Variants in DLG2 observed in about 807,000 individuals in gnomAD.
DLG2 encodes the protein disks large homolog 2.
Under a neutral mutation model 132.5 loss-of-function variants are expected in DLG2, and 45 were observed. That is an observed-to-expected ratio of 0.34 (90% CI 0.27 to 0.44). The LOEUF is 0.44. Among genes scored for constraint, DLG2 ranks in the 20% least tolerant of loss-of-function variants. DLG2 has a pLI of 1.00. For synonymous variants in DLG2, 424 were observed against 419.6 expected, an observed-to-expected ratio of 1.01 and a Z score of -0.13; for missense variants, 1,045 against 1,196.9, an observed-to-expected ratio of 0.87 and a Z score of 1.87.
intron 7 of DLG2, among the ~76,000 whole-genome samples, chr11:84,324,023 C>CTT (rs1365101084): frequency 6.6e-6 from 1 of 152,014 alleles, no homozygotes; most frequent in African/African-American, 2.4e-5. Context: ...TTTTCACTCT[C>CTT]TTTATCGTTT....
At chr11:84,973,789 C>T (rs979858112) in intron 6 of DLG2, among the ~76,000 whole-genome samples, 9 of 152,130 alleles carry the variant, frequency 5.9e-5, no homozygotes, top group African/African-American at 9.7e-5. Context: ...AGTGGCCATA[C>T]ATAATAGGTA....
At chr11:83,993,168 G>A (rs1201513932) in intron 11 of DLG2, among the ~76,000 whole-genome samples, 1 of 152,014 alleles carries the variant, frequency 6.6e-6, no homozygotes, top group African/African-American at 2.4e-5. Flanking sequence ...AAAATTATAT[G>A]ATCCTAGAAA....
intron 14 of DLG2, among the ~76,000 whole-genome samples, chr11:83,945,991 C>CTTTTTTTTTTTT (rs1163812479): frequency 8.6e-6 from 1 of 116,504 alleles, no homozygotes. Flanking sequence ...TTCTCTCTCT[C>CTTTTTTTTTTTT]TCTTTTTTTT....
At chr11:84,050,559 T>C (rs2213111) in intron 11 of DLG2, among the ~76,000 whole-genome samples, 96,382 of 151,830 alleles carry the variant, frequency 0.63, 33,420 homozygotes, top group Non-Finnish European at 0.79. Flanking sequence ...TTTGTTGCCA[T>C]TGCTTTTGGT....
chr11:85,536,304 T>C (rs963144728), intron 3 of DLG2, among the ~76,000 whole-genome samples: 2 of 150,662 alleles, frequency 1.3e-5, no homozygotes, highest in African/African-American at 4.9e-5. Context: ...CAAAGTACAG[T>C]ACCTTGGCAT....
intron 7 of DLG2, among the ~76,000 whole-genome samples, chr11:84,263,624 C>G (rs537686518): frequency 6.6e-6 from 1 of 152,242 alleles, no homozygotes; most frequent in East Asian, 1.9e-4. Context: ...ATTATTGCCT[C>G]TATCCATTTT....
intron 6 of DLG2, among the ~76,000 whole-genome samples, chr11:84,548,555 G>A (rs2099395318): frequency 6.6e-6 from 1 of 151,812 alleles, no homozygotes. Flanking sequence ...CCTTGCGATA[G>A]TTTGCTGAGA....
chr11:84,864,027 A>C (rs2084171508), intron 6 of DLG2, among the ~76,000 whole-genome samples: 1 of 152,216 alleles, frequency 6.6e-6, no homozygotes, highest in African/African-American at 2.4e-5. Flanking sequence ...GAAATAGGCT[A>C]CTACCTGGGA....
intron 7 of DLG2, among the ~76,000 whole-genome samples, chr11:84,512,783 T>C (rs10898252): frequency 0.12 from 18,430 of 151,674 alleles, 1,180 homozygotes; most frequent in South Asian, 0.19. Flanking sequence ...GTGGCACGTA[T>C]ACACCATGGA....
At chr11:84,410,536 C>G (rs2098894866) in intron 7 of DLG2, among the ~76,000 whole-genome samples, 1 of 148,306 alleles carries the variant, frequency 6.7e-6, no homozygotes, top group South Asian at 2.1e-4. Context: ...ATCAATGACT[C>G]TACTATATAA....
At chr11:84,238,716 A>C (rs1311247118) in intron 8 of DLG2, among the ~76,000 whole-genome samples, 3 of 152,026 alleles carry the variant, frequency 2.0e-5, no homozygotes, top group Admixed American at 6.5e-5. Flanking sequence ...GTAACATAAA[A>C]ATGTTAAGCC....
chr11:83,710,663 G>T (rs942041098), intron 18 of DLG2, among the ~76,000 whole-genome samples: 4 of 152,120 alleles, frequency 2.6e-5, no homozygotes, highest in African/African-American at 9.7e-5. Flanking sequence ...CATAACCAAA[G>T]CTTGAAACTG....
Position 85,530,331 on chromosome 11 carries a change from T to A in DLG2, c.40+68326A>T, listed in dbSNP as rs560356390. ...TTTATTTTATTTATTTTATTTATTT[T>A]TTTTTTTGAGACAGAGTCTCGCTCT... On this transcript the variant is annotated intron_variant, in intron 3 of 27. Transcript: ENST00000376104. Among the ~76,000 whole-genome samples the A allele has an allele frequency of 9.7e-4, 145 of 149,728 alleles. 2 individuals are homozygous for A. Among genetic ancestry groups the A allele is most frequent in the Admixed American group, 3.1e-3 (46 of 15,008 alleles).
At chr11:83,719,348 C>T in intron 18 of DLG2, among the ~76,000 whole-genome samples, 1 of 152,154 alleles carries the variant, frequency 6.6e-6, no homozygotes, top group Non-Finnish European at 1.5e-5. Flanking sequence ...TTGAACATAC[C>T]TCTGAGCACA....
intron 4 of DLG2, among the ~76,000 whole-genome samples, chr11:85,258,048 AC>A (rs1226238019): frequency 1.3e-5 from 2 of 152,168 alleles, no homozygotes; most frequent in African/African-American, 4.8e-5. Context: ...TGTCTTACAG[AC>A]CATTTAAGGT....
chr11:84,657,645 T>TATTA (rs2099689802), intron 6 of DLG2, among the ~76,000 whole-genome samples: 1 of 152,162 alleles, frequency 6.6e-6, no homozygotes, highest in Admixed American at 6.6e-5. Flanking sequence ...ATAGGTTTCC[T>TATTA]GCTCCTATGA....
At chr11:84,081,839 T>C (rs4259848) in intron 10 of DLG2, among the ~76,000 whole-genome samples, 142,283 of 152,198 alleles carry the variant, frequency 0.93, 66,748 homozygotes, top group African/African-American at 0.99. Flanking sequence ...TACCCAGTAA[T>C]GGGATCGCTG....
intron 16 of DLG2, among the ~76,000 whole-genome samples, chr11:83,841,096 T>A (rs1414559458): frequency 6.6e-6 from 1 of 152,318 alleles, no homozygotes; most frequent in Non-Finnish European, 1.5e-5. Flanking sequence ...CCCACATTTC[T>A]AAGAACTGTT....
At chr11:84,497,445 T>C (rs1301424089) in intron 7 of DLG2, among the ~76,000 whole-genome samples, 1 of 151,962 alleles carries the variant, frequency 6.6e-6, no homozygotes, top group Non-Finnish European at 1.5e-5. Flanking sequence ...TAAATGTGAG[T>C]ATATATCCCA....
Sources: allele counts gnomAD v4.1 joint callset (sites outside exome capture counted in the v4.1 genomes callset), GRCh38; gene constraint gnomAD v4.1.1; transcripts MANE v1.5; gene names NCBI Gene and HGNC (gene_info 2026-07-23, HGNC 2026-07-21).